Variants in ZNF419 observed in about 807,000 individuals in gnomAD.
The protein encoded by ZNF419 is zinc finger protein 419, also known as zinc finger protein 419A.
A neutral mutation model predicts 14.9 loss-of-function variants in ZNF419; 8 were observed. That is an observed-to-expected ratio of 0.54 (90% CI 0.32 to 0.97). The LOEUF (loss-of-function observed/expected upper bound fraction) is 0.97. Among genes scored for constraint, ZNF419 ranks in the 50% least tolerant of loss-of-function variants. The pLI is 0.04. For missense variants in ZNF419, 595 were observed against 607.2 expected (o/e 0.98, Z 0.21); for synonymous variants, 211 against 205.3 (o/e 1.03, Z -0.24).
At position 57,487,765 on chromosome 19, in the gene ZNF419, G is replaced by C. The variant is rs1469294191; in HGVS notation, c.-186G>C. 1 of 755,266 alleles carries C rather than the reference G, an allele frequency of 1.3e-6. No homozygotes were observed. The highest frequency in any genetic ancestry group is 2.7e-5 in the Admixed American group (1 of 36,536). The allele number at this position is 755,266 out of a possible 1,614,324, so 46.8% of individuals were successfully genotyped here. ...CGTCTCGTTTGGTATTCACTTTCGC[G>C]ACTCAGGTGAACTAACCTGCGAGAA... On this transcript the variant is annotated 5_prime_UTR_variant, in exon 1 of 5. Coordinates refer to ENST00000221735, the MANE Select transcript of ZNF419 (RefSeq NM_024691.4).
rs542284519 is a variant in ZNF419 at position 57,492,801 on chromosome 19, C to T, written c.299-55C>T. On this transcript the variant is annotated intron_variant, in intron 4 of 4. Transcript: ENST00000221735. ...TGTGTTAGACACATCTGTGAGAGTG[C>T]TGCCTCCTCACACCAAAGTCTACAT... The T allele has an allele frequency of 3.4e-4, 549 of 1,609,698 alleles. 1 individual carries two copies. The highest frequency in any genetic ancestry group is 1.2e-3 in the Middle Eastern group (7 of 6,058).
At chr19:57,488,782 G>C (rs1000354670) in intron 1 of ZNF419, 2 of 152,216 alleles carry the variant, frequency 1.3e-5, no homozygotes, top group African/African-American at 2.4e-5. Context: ...ACTAGGGTAA[G>C]TCCTGGGGCT....
chr19:57,495,140 C>T lies in ZNF419; in HGVS notation c.*1050C>T, dbSNP rs546141488. 1.3e-5 allele frequency: 2 copies of T among 152,244 alleles called. No individual in the cohort carries two copies. Among genetic ancestry groups the T allele is most frequent in the African/African-American group, 4.8e-5 (2 of 41,548 alleles). The allele number at this position is 152,244 out of a possible 1,614,324, so 9.4% of individuals were successfully genotyped here. ...GATATAAGCATTGTCAATATTTTCT[C>T]ATGGTCCATGGCTTTTGTTTTCTTT... On this transcript the variant is annotated 3_prime_UTR_variant, in exon 5 of 5. Coordinates refer to ENST00000221735, the MANE Select transcript of ZNF419 (RefSeq NM_024691.4).
chr19:57,491,635 G>A (rs1268451981), intron 3 of ZNF419, 38 bp downstream of exon 3: 2 of 1,613,948 alleles, frequency 1.2e-6, no homozygotes, highest in Admixed American at 1.7e-5. Flanking sequence ...TCCTGAGCTG[G>A]GCTCGGCTTT....
rs1188063105 is a variant in ZNF419 at position 57,492,190 on chromosome 19, G to T, written c.277G>T (p.Val93Leu). ...GCCCTTCATGCCTGCTTGGGAAGTT[G>T]TGACTTCAGCCATACCGAGAGGTAG... The part of the protein sequence containing the change: ...EEPFMPAWEV[V>L]TSAIPRGCWH... Residue 93 changes from valine (V) to leucine (L), a missense_variant, in exon 4 of 5, where the codon GTG becomes TTG. Transcript: ENST00000221735. The T allele has an allele frequency of 2.5e-6, 4 of 1,614,002 alleles. No individual in the cohort carries two copies. Among genetic ancestry groups the T allele is most frequent in the Non-Finnish European group, 2.5e-6 (3 of 1,180,000 alleles).
In ZNF419 at chr19:57,492,118, G is replaced by C. The variant is rs764622744; in HGVS notation, c.205G>C (p.Ala69Pro). 1 of 1,604,422 alleles carries C rather than the reference G, an allele frequency of 6.2e-7. No homozygotes were observed. The highest frequency in any genetic ancestry group is 8.5e-7 in the Non-Finnish European group (1 of 1,173,278). ...TCACCTGTCGTTTTCCTTAGGACTT[G>C]CATCTTCCAAGACCCATGAAATAAC... ...NFTLLASLGL[A>P]SSKTHEITQL... Residue 69 changes from alanine to proline, a missense_variant, in exon 4 of 5, where the codon GCA becomes CCA. Ala to Pro is a conservative substitution (Grantham distance 27). Coordinates refer to ENST00000221735, the MANE Select transcript of ZNF419 (RefSeq NM_024691.4).
chr19:57,493,582 C>A lies in ZNF419; in HGVS notation c.1025C>A (p.Pro342His), dbSNP rs368586764. The change falls in exon 5 of 5, where the codon CCT becomes CAT. Residue 342 changes from proline to histidine, a missense_variant. Coordinates refer to ENST00000221735, the MANE Select transcript of ZNF419 (RefSeq NM_024691.4). ...CAGAGAATTCACACTGGAGAAAGAC[C>A]TTATAAGTGCAGTGAATGTGGAAAA... ...KHQRIHTGER[P>H]YKCSECGKFY... 234 of 1,609,170 alleles carry A rather than the reference C, an allele frequency of 1.5e-4. 1 individual carries two copies. Among genetic ancestry groups the A allele is most frequent in the Middle Eastern group, 9.9e-4 (6 of 6,072 alleles).
chr19:57,493,059 C>G lies in ZNF419; in HGVS notation c.502C>G (p.Leu168Val). 1.2e-6 allele frequency: 2 copies of G among 1,614,062 alleles called. No homozygotes were observed. The highest frequency in any genetic ancestry group is 2.2e-5 in the South Asian group (2 of 91,070). ...SLQSREVGKALLISSGVLKHQ... is the reference protein window; with the variant it reads ...SLQSREVGKAVLISSGVLKHQ... ...GCAAAGCAGGGAGGTTGGGAAGGCC[C>G]TCCTGATCAGCTCAGGTGTTCTCAA... The change falls in exon 5 of 5, where the codon CTC becomes GTC. Residue 168 changes from leucine to valine, a missense_variant. Leu to Val is a conservative substitution (Grantham distance 32). Transcript: ENST00000221735.
In ZNF419 at chr19:57,487,826, C is replaced by A. The variant is rs1163504041; in HGVS notation, c.-125C>A. ...CGCTGAGGCGACCAGCGCCGGAAGG[C>A]ACGGTGGCGACTCACGCTGTTCTCG... On this transcript the variant is annotated 5_prime_UTR_variant, in exon 1 of 5. Transcript: ENST00000221735. 1.4e-6 allele frequency: 2 copies of A among 1,413,976 alleles called. No individual in the cohort carries two copies. The highest frequency in any genetic ancestry group is 1.4e-5 in the African/African-American group (1 of 70,588). The allele number at this position is 1,413,976 out of a possible 1,614,324, so 87.6% of individuals were successfully genotyped here. A position where few individuals can be genotyped will look rare whatever the true frequency, so the allele number is the denominator to read the frequency against.
chr19:57,492,256 A>G, intron 4 of ZNF419, 45 bp downstream of exon 4: 1 of 1,592,054 alleles, frequency 6.3e-7, no homozygotes, highest in South Asian at 1.1e-5. Flanking sequence ...TCAGGGATGG[A>G]TTCATATCAT....
Position 57,493,441 on chromosome 19 carries a change from C to T in ZNF419, c.884C>T (p.Ala295Val), listed in dbSNP as rs1483102072. ...KPFTCSECGK[A>V]FRHNSTLVQH... ...TTTACATGCAGTGAATGTGGAAAAG[C>T]TTTCAGGCATAATTCCACACTTGTT... Residue 295 changes from alanine (A) to valine (V), a missense_variant, in exon 5 of 5, where the codon GCT (alanine) becomes GTT (valine). Physicochemically the swap from Ala to Val is moderately conservative, Grantham distance 64. Transcript: ENST00000221735. 1 of 1,612,828 alleles carries T rather than the reference C, an allele frequency of 6.2e-7. No individual in the cohort carries two copies. The highest frequency in any genetic ancestry group is 8.5e-7 in the Non-Finnish European group (1 of 1,179,716).
Position 57,487,991 on chromosome 19 carries a change from C to T in ZNF419, c.33+8C>T. 6.2e-7 allele frequency: 1 copy of T among 1,613,646 alleles called. No individual in the cohort carries two copies. The highest frequency in any genetic ancestry group is 1.3e-5 in the African/African-American group (1 of 75,068). ...CTGAGGGACCCCGCTCAGGTGAGCG[C>T]CGCGTCCTCCTGGCCTCCCCCGAAT... is the stretch of plus-strand genomic sequence containing the variant. On this transcript the variant is annotated splice_region_variant and intron_variant, in intron 1 of 4. Transcript: ENST00000221735.
intron 4 of ZNF419, 82 bp from the exon 5 acceptor site, chr19:57,492,774 G>A (rs776419669): frequency 1.9e-6 from 3 of 1,564,826 alleles, no homozygotes; most frequent in Non-Finnish European, 2.6e-6. Flanking sequence ...CTAATTACTG[G>A]GTGTGTTAGA....
rs532282400 is a variant in ZNF419, at chr19:57,494,374, T to G, written c.*284T>G. 9 of 364,626 alleles carry G rather than the reference T, an allele frequency of 2.5e-5. No homozygotes were observed. Among genetic ancestry groups the G allele is most frequent in the Admixed American group, 4.3e-5 (1 of 23,280 alleles). 22.6% of individuals were successfully genotyped at this position (364,626 alleles called of 1,614,324 possible). ...ATGACCTCACTTAAAACAGAAACTC[T>G]GAGGATGGCCTTTATGAGGGAGCTG... On this transcript the variant is annotated 3_prime_UTR_variant, in exon 5 of 5. Coordinates refer to ENST00000221735, the MANE Select transcript of ZNF419 (RefSeq NM_024691.4).
At chr19:57,489,107 C>G (rs1374018272) in intron 1 of ZNF419, 1 of 152,226 alleles carries the variant, frequency 6.6e-6, no homozygotes, top group Non-Finnish European at 1.5e-5. Context: ...TTTCCCTAGC[C>G]GTCAGCACAG....
intron 4 of ZNF419, chr19:57,492,458 G>A (rs974353451): frequency 3.9e-6 from 3 of 768,914 alleles, no homozygotes; most frequent in Middle Eastern, 2.2e-4. Context: ...GTGTGGTGAG[G>A]TGGATGCTTA....
intron 3 of ZNF419, 117 bp downstream of exon 3, chr19:57,491,714 T>C: frequency 7.4e-7 from 1 of 1,353,228 alleles, no homozygotes; most frequent in Non-Finnish European, 1.0e-6. Context: ...CCTTCTCCAG[T>C]ATCCTGAAGT....
At chr19:57,492,600 G>T (rs535504556) in intron 4 of ZNF419, 33 of 751,112 alleles carry the variant, frequency 4.4e-5, no homozygotes, top group Non-Finnish European at 6.8e-5. Flanking sequence ...GCAGAGGATT[G>T]TGTTGGGGAC....
At chr19:57,491,100 A>C in intron 2 of ZNF419, 7 of 248,602 alleles carry the variant, frequency 2.8e-5, no homozygotes, top group East Asian at 9.1e-5. Flanking sequence ...GGTACAAAGT[A>C]TGTGCACATT....
Sources: gnomAD v4.1 joint callset for allele counts on GRCh38, gnomAD v4.1.1 for gene constraint, MANE v1.5 for transcripts, NCBI Gene and HGNC (gene_info 2026-07-23, HGNC 2026-07-21) for gene names.